Variants in ARHGAP45 observed in about 807,000 individuals in gnomAD.
The protein encoded by ARHGAP45 is Rho GTPase activating protein 45.
Under a neutral mutation model 116.1 loss-of-function variants are expected in ARHGAP45, and 56 were observed. That is an observed-to-expected ratio of 0.48 (90% CI 0.39 to 0.60). The LOEUF (loss-of-function observed/expected upper bound fraction) is 0.60, where lower values mean the gene tolerates loss of function less well. Among genes scored for constraint, ARHGAP45 ranks in the 20% least tolerant of loss-of-function variants. ARHGAP45 has a pLI of 0.00. For synonymous variants in ARHGAP45, 866 were observed against 701.7 expected, an observed-to-expected ratio of 1.23 and a Z score of -3.70; for missense variants, 1,622 against 1,601.0, an observed-to-expected ratio of 1.01 and a Z score of -0.22.
In ARHGAP45 at chr19:1,074,924, C is replaced by T. The variant is rs770408791; in HGVS notation, c.1185+45C>T. On this transcript the variant is annotated intron_variant, in intron 10 of 22. Transcript: ENST00000313093. ...GCGGGCGGGGGCGGGCAGCGGGCCT[C>T]GGCGCAGGCGCAGTCCCAGCCCCAG... 7.5e-6 allele frequency: 11 copies of T among 1,459,792 alleles called. No homozygotes were observed. In the South Asian group the frequency reaches 1.3e-4, roughly 17 times the overall value. 90.4% of individuals were successfully genotyped at this position (1,459,792 alleles called of 1,614,324 possible).
chr19:1,074,510 A>G, intron 8 of ARHGAP45, 103 bp downstream of exon 8: 1 of 1,397,906 alleles, frequency 7.2e-7, no homozygotes, highest in South Asian at 1.4e-5. Flanking sequence ...TCCCCTCTAC[A>G]TTAACGGGGG....
At position 1,085,458 on chromosome 19, in the gene ARHGAP45, T is replaced by C. The variant is rs984768573; in HGVS notation, c.3065-202T>C. Among the ~76,000 whole-genome samples the C allele has an allele frequency of 8.0e-5, 12 of 149,718 alleles. No individual in the cohort carries two copies. The East Asian group carries it at 9.7e-4, about 12-fold the overall frequency. ...TTCCGTTTCTCCCCTTGTCTCTCTC[T>C]CCTCCTCCCCGCCATGTCTCTCCAT... On this transcript the variant is annotated intron_variant, in intron 22 of 22. Transcript: ENST00000313093.
At chr19:1,076,084 C>T (rs1476394881) in intron 10 of ARHGAP45, among the ~76,000 whole-genome samples, 3 of 152,060 alleles carry the variant, frequency 2.0e-5, no homozygotes, top group Non-Finnish European at 4.4e-5. Context: ...ATTTCATGGA[C>T]GTCTTGGGAG....
intron 2 of ARHGAP45, among the ~76,000 whole-genome samples, chr19:1,070,011 G>A (rs574992252): frequency 2.6e-5 from 4 of 151,612 alleles, no homozygotes; most frequent in Non-Finnish European, 4.4e-5. Context: ...TATTTGAGAT[G>A]GTGAGATGGA....
Position 1,081,867 on chromosome 19 carries a change from T to C in ARHGAP45, c.2423T>C (p.Leu808Pro), listed in dbSNP as rs1759556278. The change falls in exon 19 of 23, where the codon CTG becomes CCG. Residue 808 changes from leucine to proline, a missense_variant. Leu to Pro is a moderately conservative substitution (Grantham distance 98, BLOSUM62 -3). Coordinates refer to ENST00000313093, the MANE Select transcript of ARHGAP45 (RefSeq NM_012292.5). ...GGGGTAAAGACACGCGTGGAGAAGC[T>C]GTGCCAGGCCTTCGAGAACGGCAAG... ...VNGVKTRVEK[L>P]CQAFENGKEL... 2 of 1,612,820 alleles carry C rather than the reference T, an allele frequency of 1.2e-6. No homozygotes were observed. Among genetic ancestry groups the C allele is most frequent in the Non-Finnish European group, 1.7e-6 (2 of 1,179,828 alleles).
Position 1,071,358 on chromosome 19 carries a change from G to A in ARHGAP45, c.422-1791G>A. On this transcript the variant is annotated intron_variant, in intron 2 of 22. Transcript: ENST00000313093. The surrounding 1 kb of genome is among the most constrained non-coding windows in gnomAD (Gnocchi z 4.6). ...CGTGCGCTGCCGGGCGGGCCCCCGAGGTGAGGGGACAGGTGCCGGGCGCTG... is the reference window on the plus strand; with the variant it reads ...CGTGCGCTGCCGGGCGGGCCCCCGAAGTGAGGGGACAGGTGCCGGGCGCTG... 2.3e-6 allele frequency: 3 copies of A among 1,326,676 alleles called. No individual in the cohort carries two copies. Among genetic ancestry groups the A allele is most frequent in the Non-Finnish European group, 2.9e-6 (3 of 1,041,780 alleles). The allele number at this position is 1,326,676 out of a possible 1,614,324, so 82.2% of individuals were successfully genotyped here.
At chr19:1,067,614 C>T (rs2043063008) in intron 1 of ARHGAP45, 119 bp downstream of exon 1, 1 of 1,010,674 alleles carries the variant, frequency 9.9e-7, no homozygotes, top group African/African-American at 1.6e-5. Context: ...GCTACAGCCC[C>T]TACCGGGCGG....
intron 9 of ARHGAP45, 34 bp downstream of exon 9, chr19:1,074,758 G>T (rs1246564072): frequency 2.3e-5 from 36 of 1,597,048 alleles, no homozygotes; most frequent in Non-Finnish European, 3.1e-5. Flanking sequence ...GCTGGGCGGG[G>T]GTGTCACCGG....
chr19:1,075,027 GCCCC>G (rs539582612), intron 10 of ARHGAP45, 148 bp downstream of exon 10: 14 of 441,314 alleles, frequency 3.2e-5, no homozygotes, highest in Admixed American at 2.3e-4. Context: ...AGGCTGGGCC[GCCCC>G]CCCCAACGCC....
chr19:1,074,396 G>T lies in ARHGAP45; in HGVS notation c.982G>T (p.Val328Phe). 6.3e-7 allele frequency: 1 copy of T among 1,574,840 alleles called. No homozygotes were observed. ...QKIAHNCRQS[V>F]MQEPHMPLLS... ...GATCGCTCACAACTGCAGACAGAGC[G>T]TCATGCAGGAGGTGGGGGCCCCGCG... is the stretch of plus-strand genomic sequence containing the variant. The change falls in exon 8 of 23, where the codon GTC (valine) becomes TTC (phenylalanine). Residue 328 changes from valine (V) to phenylalanine (F), a missense_variant. Coordinates refer to ENST00000313093, the MANE Select transcript of ARHGAP45 (RefSeq NM_012292.5).
In ARHGAP45 at chr19:1,083,175, C is replaced by A. The variant is rs1255681326; in HGVS notation, c.2777C>A (p.Thr926Asn). The change falls in exon 21 of 23, where the codon ACC (threonine) becomes AAC (asparagine). Residue 926 changes from threonine (T) to asparagine (N), a missense_variant. Transcript: ENST00000313093. ...GAGGTGGAGCAGGACAACAAGATGA[C>A]CCCCGGGAACCTGGGCATCGTGTTC... Reference protein sequence around the residue: ...IVEVEQDNKMTPGNLGIVFGP... With the variant: ...IVEVEQDNKMNPGNLGIVFGP... 21 of 1,610,570 alleles carry A rather than the reference C, an allele frequency of 1.3e-5. No individual in the cohort carries two copies. The highest frequency in any genetic ancestry group is 1.6e-5 in the Non-Finnish European group (19 of 1,179,490).
chr19:1,080,231 C>T (rs767789309), intron 13 of ARHGAP45, 24 bp from the exon 14 acceptor site: 9 of 1,611,914 alleles, frequency 5.6e-6, no homozygotes, highest in Non-Finnish European at 7.6e-6. Context: ...CACCTCCCCT[C>T]CTTTTCCCGG....
In ARHGAP45 at chr19:1,073,177, C is replaced by G; in HGVS notation, c.450C>G (p.Ala150=). The G allele has an allele frequency of 6.2e-7, 1 of 1,611,018 alleles. No homozygotes were observed. The highest frequency in any genetic ancestry group is 8.5e-7 in the Non-Finnish European group (1 of 1,179,986). The part of the protein sequence containing the change: ...DDLLEARRPR[A]HECLGEALRV... ...TCCTTGAGGCCCGCCGCCCGCGGGC[C>G]CACGAGTGCCTGGGTGAGGCTCTGC... Residue 150 remains alanine, a synonymous_variant, in exon 3 of 23, where the codon GCC becomes GCG. Coordinates refer to ENST00000313093, the MANE Select transcript of ARHGAP45 (RefSeq NM_012292.5).
Position 1,073,763 on chromosome 19 carries a change from A to G in ARHGAP45, c.723+17A>G. On this transcript the variant is annotated intron_variant, in intron 5 of 22. Coordinates refer to ENST00000313093, the MANE Select transcript of ARHGAP45 (RefSeq NM_012292.5). ...TCGAGCCAGGTGAGTGGGGTGGGCC[A>G]GGGCCACCTGTGTCCAGCTTCTGGA... 6.4e-7 allele frequency: 1 copy of G among 1,572,854 alleles called. No individual in the cohort carries two copies. Among genetic ancestry groups the G allele is most frequent in the Non-Finnish European group, 8.6e-7 (1 of 1,158,592 alleles).
Position 1,083,325 on chromosome 19 carries a change from A to T in ARHGAP45, c.2927A>T (p.Glu976Val). 1 of 1,556,896 alleles carries T rather than the reference A, an allele frequency of 6.4e-7. No homozygotes were observed. The highest frequency in any genetic ancestry group is 8.7e-7 in the Non-Finnish European group (1 of 1,152,048). ...GTCCACTACGGCCTGGTCTTCGAGG[A>T]GGAGCCGGAGGAGACCCCCGGGGGC... ...LIVHYGLVFE[E>V]EPEETPGGQD... The change falls in exon 21 of 23, where the codon GAG (glutamate) becomes GTG (valine). Residue 976 changes from glutamate to valine, a missense_variant. Coordinates refer to ENST00000313093, the MANE Select transcript of ARHGAP45 (RefSeq NM_012292.5).
chr19:1,077,836 T>G (rs778862150), intron 10 of ARHGAP45, 21 bp from the exon 11 acceptor site: 99 of 1,551,294 alleles, frequency 6.4e-5, no homozygotes, highest in Non-Finnish European at 8.1e-5. Flanking sequence ...GGAACTGGCC[T>G]CCTGGCTCCC....
chr19:1,084,114 G>C (rs2145091960), intron 21 of ARHGAP45, 124 bp from the exon 22 acceptor site: 1 of 884,344 alleles, frequency 1.1e-6, no homozygotes, highest in South Asian at 1.4e-5. Flanking sequence ...TCTTGGCTGA[G>C]GACAGACCGC....
chr19:1,067,248 G>C lies in ARHGAP45; in HGVS notation c.-158G>C, dbSNP rs1051996512. Reference sequence around the variant, plus strand: ...GCCTCCCCGAAGCCTTTTCCTGTTGGGGGGAGGGCCCGCCAGTGACGGCCG... The same window carrying C: ...GCCTCCCCGAAGCCTTTTCCTGTTGCGGGGAGGGCCCGCCAGTGACGGCCG... On this transcript the variant is annotated 5_prime_UTR_variant, in exon 1 of 23. Transcript: ENST00000313093. The C allele has an allele frequency of 1.3e-5, 18 of 1,379,946 alleles. No homozygotes were observed. In the Admixed American group the frequency reaches 2.6e-4, roughly 20 times the overall value. 85.5% of individuals were successfully genotyped at this position (1,379,946 alleles called of 1,614,324 possible). A position where few individuals can be genotyped will look rare whatever the true frequency, so the allele number is the denominator to read the frequency against.
At chr19:1,073,471 G>A (rs745867983) in intron 3 of ARHGAP45, 35 bp from the exon 4 acceptor site, 10 of 1,601,222 alleles carry the variant, frequency 6.2e-6, no homozygotes, top group South Asian at 1.1e-5. Context: ...CTCCCAGAGT[G>A]GGCCCACCTC....
Sources: allele counts gnomAD v4.1 joint callset (sites outside exome capture counted in the v4.1 genomes callset), GRCh38; gene constraint gnomAD v4.1.1; non-coding constraint Gnocchi (gnomAD v3.1); transcripts MANE v1.5; gene names NCBI Gene and HGNC (gene_info 2026-07-23, HGNC 2026-07-21).